ESYT1: variants seen among roughly 807,000 people sequenced by gnomAD.
ESYT1 encodes the protein extended synaptotagmin-1.
Under a neutral mutation model 154.2 loss-of-function variants are expected in ESYT1, and 116 were observed. That is an observed-to-expected ratio of 0.75 (90% confidence interval 0.65 to 0.88). The LOEUF is 0.88. Among genes scored for constraint, ESYT1 ranks in the 40% least tolerant of loss-of-function variants. The pLI, the probability that ESYT1 is intolerant of heterozygous loss-of-function variation, is 0.00. For missense variants in ESYT1, 1,264 were observed against 1,379.3 expected, an observed-to-expected ratio of 0.92 and a Z score of 1.32; for synonymous variants, 500 against 539.9, an observed-to-expected ratio of 0.93 and a Z score of 1.02.
rs1870741450 is a variant in ESYT1 at position 56,142,485 on chromosome 12, A to G, written c.2733+60A>G. ...GAGGAGGGGAGGGCCTTCACAGGTG[A>G]GGGACACCCAGGAGGGTGGGAACAG... On this transcript the variant is annotated intron_variant, in intron 25 of 30. Coordinates refer to ENST00000394048, the MANE Select transcript of ESYT1 (RefSeq NM_015292.3). This position sits in a 1 kb window ranked among gnomAD's most constrained non-coding sequence, Gnocchi z 4.1. The G allele has an allele frequency of 1.2e-6, 2 of 1,607,044 alleles. No individual in the cohort carries two copies. Among genetic ancestry groups the G allele is most frequent in the African/African-American group, 2.7e-5 (2 of 74,784 alleles).
chr12:56,136,715 C>A, intron 15 of ESYT1, 29 bp from the exon 16 acceptor site: 1 of 1,560,676 alleles, frequency 6.4e-7, no homozygotes, highest in Non-Finnish European at 8.7e-7. Context: ...CTAATCCCTT[C>A]ACTACAGTCC....
At chr12:56,132,131 G>A in intron 7 of ESYT1, 78 bp from the exon 8 acceptor site, 3 of 1,605,714 alleles carry the variant, frequency 1.9e-6, no homozygotes, top group East Asian at 2.2e-5. Flanking sequence ...GTCTCTCTTG[G>A]GTGTGGGAAA....
At chr12:56,135,951 C>A (rs2136876895) in intron 15 of ESYT1, among the ~76,000 whole-genome samples, 1 of 146,690 alleles carries the variant, frequency 6.8e-6, no homozygotes, top group East Asian at 2.0e-4. Flanking sequence ...ATCCCAGCTA[C>A]TTGGGAGGCT....
chr12:56,139,110 CTTTT>C (rs368424488), intron 24 of ESYT1, 97 bp downstream of exon 24: 119 of 671,242 alleles, frequency 1.8e-4, no homozygotes, highest in Non-Finnish European at 2.1e-4. Context: ...AAAAGGTTGA[CTTTT>C]TTTTTTTTTT....
chr12:56,143,327 G>A lies in ESYT1; in HGVS notation c.3219G>A (p.Leu1073=). The A allele has an allele frequency of 2.5e-6, 4 of 1,614,028 alleles. No individual in the cohort carries two copies. The highest frequency in any genetic ancestry group is 3.4e-6 in the Non-Finnish European group (4 of 1,180,006). The change falls in exon 29 of 31, where the codon CTG becomes CTA. Residue 1073 remains leucine, a synonymous_variant. Coordinates refer to ENST00000394048, the MANE Select transcript of ESYT1 (RefSeq NM_015292.3). ...TCATGTCAAGAGAGCGTGAGCTGCT[G>A]GGGAAGGTAAGAGGGCAGGATGGCA... is the stretch of plus-strand genomic sequence containing the variant. The part of the protein sequence containing the change: ...SSFMSREREL[L]GKVQLDLAET...
rs367735453 is a variant in ESYT1, at chr12:56,142,965, G to A, written c.2987+32G>A. On this transcript the variant is annotated intron_variant, in intron 27 of 30. Transcript: ENST00000394048. This position sits in a 1 kb window ranked among gnomAD's most constrained non-coding sequence, Gnocchi z 4.1. ...CCCCATCCCTCCTGTCCTCCAGATC[G>A]CCTCCATCCCTTCCCTCAGGTTACC... The A allele has an allele frequency of 2.9e-5, 46 of 1,613,856 alleles. No homozygotes were observed. The highest frequency in any genetic ancestry group is 1.6e-4 in the Middle Eastern group (1 of 6,084).
chr12:56,144,517 C>T lies in ESYT1; in HGVS notation c.*655C>T, dbSNP rs191089594. 3.2e-5 allele frequency: 32 copies of T among 985,796 alleles called. No homozygotes were observed. Among genetic ancestry groups the T allele is most frequent in the East Asian group, 1.1e-4 (1 of 8,820 alleles). The allele number at this position is 985,796 out of a possible 1,614,324, so 61.1% of individuals were successfully genotyped here. A position where few individuals can be genotyped will look rare whatever the true frequency, so the allele number is the denominator to read the frequency against. The stretch of plus-strand genomic sequence containing the variant: ...GTCTTGGAGCTCCTAGCTGGTGATA[C>T]GGAGAGGGCTTTGGAGGACTTGGGA... On this transcript the variant is annotated 3_prime_UTR_variant, in exon 31 of 31. Coordinates refer to ENST00000394048, the MANE Select transcript of ESYT1 (RefSeq NM_015292.3).
In ESYT1 at chr12:56,130,604, AG is replaced by A; in HGVS notation, c.415del (p.Ala139LeufsTer73). On this transcript the variant is annotated frameshift_variant, in exon 2 of 31. Coordinates refer to ENST00000394048, the MANE Select transcript of ESYT1 (RefSeq NM_015292.3). LOFTEE classifies it high-confidence loss of function. The part of the protein sequence containing the change: ...PAWVSFPDVE[K>X]AEWLNKIVAQ... ...CAGGTCAGCTTCCCAGACGTGGAAA[AG>A]GCTGAATGGCTCAATAAGGTGAGGA... is the stretch of plus-strand genomic sequence containing the variant. 1 of 1,614,036 alleles carries A rather than the reference AG, an allele frequency of 6.2e-7. No individual in the cohort carries two copies. Among genetic ancestry groups the A allele is most frequent in the Non-Finnish European group, 8.5e-7 (1 of 1,180,024 alleles).
chr12:56,137,424 C>A, intron 17 of ESYT1, 51 bp downstream of exon 17: 1 of 1,612,052 alleles, frequency 6.2e-7, no homozygotes, highest in Non-Finnish European at 8.5e-7. Flanking sequence ...GCTAAGTATG[C>A]AAAGCCTGTT....
rs1318513005 is a variant in ESYT1 at position 56,130,760 on chromosome 12, C to A, written c.433-31C>A. The A allele has an allele frequency of 1.9e-6, 3 of 1,613,446 alleles. No homozygotes were observed. In the Admixed American group the frequency reaches 5.0e-5, roughly 27 times the overall value. ...ACTTGCCTTGAGAGGGAAGACTGGA[C>A]TCTCCTCTGACCATCTCTCTTTCCT... is the stretch of plus-strand genomic sequence containing the variant. On this transcript the variant is annotated intron_variant, in intron 2 of 30. Coordinates refer to ENST00000394048, the MANE Select transcript of ESYT1 (RefSeq NM_015292.3).
At chr12:56,133,940 C>G (rs963600553) in intron 13 of ESYT1, 67 bp downstream of exon 13, 25 of 1,562,250 alleles carry the variant, frequency 1.6e-5, no homozygotes, top group Non-Finnish European at 1.9e-5. Context: ...GCTGAGGATG[C>G]AAATGTCCCT....
chr12:56,137,508 C>G lies in ESYT1; in HGVS notation c.1948C>G (p.Arg650Gly), dbSNP rs769939110. The change falls in exon 18 of 31, where the codon CGG (arginine) becomes GGG (glycine). Residue 650 changes from arginine to glycine, a missense_variant. Arg to Gly is a moderately radical substitution (Grantham distance 125). Transcript: ENST00000394048. The stretch of plus-strand genomic sequence containing the variant: ...CCCGTCCCTTTTGCAGCATGTGCTT[C>G]GGATCCATGTATTAGAGGCCCAGGA... ...DSQFGTEHVL[R>G]IHVLEAQDLI... is the part of the protein sequence containing the mutation. The G allele has an allele frequency of 1.2e-6, 2 of 1,612,536 alleles. No homozygotes were observed. The highest frequency in any genetic ancestry group is 1.3e-5 in the African/African-American group (1 of 74,986).
intron 15 of ESYT1, among the ~76,000 whole-genome samples, chr12:56,135,252 T>G (rs1172471343): frequency 6.7e-6 from 1 of 149,802 alleles, no homozygotes; most frequent in East Asian, 2.1e-4. Context: ...CACCGCAACC[T>G]CCACCTCCTG....
Position 56,132,519 on chromosome 12 carries a change from T to C in ESYT1, c.1083T>C (p.Leu361=). 1 of 1,614,118 alleles carries C rather than the reference T, an allele frequency of 6.2e-7. No homozygotes were observed. The highest frequency in any genetic ancestry group is 1.1e-5 in the South Asian group (1 of 91,078). ...LIEGKSDPYA[L]VRLGTQTFCS... ...AGGGCAAGTCAGACCCATATGCACT[T>C]GTGCGTTTGGGTACCCAGACATTCT... The change falls in exon 9 of 31, where the codon CTT becomes CTC. Residue 361 remains leucine (L), a synonymous_variant. Transcript: ENST00000394048.
intron 1 of ESYT1, chr12:56,128,921 A>T (rs1184894216): frequency 1.7e-6 from 1 of 600,002 alleles, no homozygotes; most frequent in Non-Finnish European, 2.9e-6. Context: ...GCATGCCCAG[A>T]CTGGATCCTT....
intron 24 of ESYT1, among the ~76,000 whole-genome samples, chr12:56,139,755 C>A (rs546783887): frequency 6.6e-6 from 1 of 151,672 alleles, no homozygotes; most frequent in East Asian, 2.0e-4. Context: ...GCCACCATAC[C>A]CCACCAATTT....
Position 56,136,806 on chromosome 12 carries a change from G to A in ESYT1, c.1695G>A (p.Leu565=). ...TGACGCTGCCTCTGGCCCGCCTGCT[G>A]ACTGCCCCAGAACTCATCCTGGACC... ...GALTLPLARL[L]TAPELILDQW... The change falls in exon 16 of 31, where the codon CTG becomes CTA. Residue 565 remains leucine (L), a synonymous_variant. Coordinates refer to ENST00000394048, the MANE Select transcript of ESYT1 (RefSeq NM_015292.3). 6.2e-7 allele frequency: 1 copy of A among 1,612,836 alleles called. No individual in the cohort carries two copies. Among genetic ancestry groups the A allele is most frequent in the Non-Finnish European group, 8.5e-7 (1 of 1,179,184 alleles).
Position 56,133,587 on chromosome 12 carries a change from G to A in ESYT1, c.1294-1G>A, listed in dbSNP as rs1490102089. 1.2e-6 allele frequency: 2 copies of A among 1,614,078 alleles called. No individual in the cohort carries two copies. The highest frequency in any genetic ancestry group is 1.7e-5 in the Admixed American group (1 of 60,010). On this transcript the variant is annotated splice_acceptor_variant, in intron 11 of 30. Coordinates refer to ENST00000394048, the MANE Select transcript of ESYT1 (RefSeq NM_015292.3). LOFTEE classifies it high-confidence loss of function. ...CTCTACTACATCTCAATTTCTTCTA[G>A]TGGTTCCCTCTACAAGGTGGGCAAG...
chr12:56,134,542 A>G, intron 15 of ESYT1, 114 bp downstream of exon 15: 1 of 831,146 alleles, frequency 1.2e-6, no homozygotes, highest in Non-Finnish European at 2.1e-6. Context: ...CCATCTACCT[A>G]GACTCCCCAC....
Sources: allele counts gnomAD v4.1 joint callset (sites outside exome capture counted in the v4.1 genomes callset), GRCh38; gene constraint gnomAD v4.1.1; non-coding constraint Gnocchi (gnomAD v3.1); transcripts MANE v1.5; gene names NCBI Gene and HGNC (gene_info 2026-07-23, HGNC 2026-07-21).